NGEF: variants seen among roughly 807,000 people sequenced by gnomAD.
NGEF encodes ephexin-1.
NGEF carries 31 observed loss-of-function variants against 80.9 expected under a neutral mutation model. The ratio of observed to expected loss-of-function variants is 0.38; its 90% CI spans 0.29 to 0.52. NGEF has a LOEUF of 0.52. Among genes scored for constraint, NGEF ranks in the 20% least tolerant of loss-of-function variants. The pLI, the probability that NGEF is intolerant of heterozygous loss-of-function variation, is 0.84. For synonymous variants in NGEF, 371 were observed against 370.2 expected (o/e 1.00, Z -0.03); for missense variants, 709 against 926.2 (o/e 0.77, Z 3.04).
chr2:232,889,291 G>A (rs1214301980), intron 8 of NGEF, among the ~76,000 whole-genome samples: 1 of 152,204 alleles, frequency 6.6e-6, no homozygotes, highest in Non-Finnish European at 1.5e-5. Flanking sequence ...CAGATGGAGG[G>A]CAGTATGGGT....
intron 12 of NGEF, among the ~76,000 whole-genome samples, chr2:232,883,092 C>CACACACGT (rs946936841): frequency 1.3e-5 from 2 of 151,028 alleles, no homozygotes; most frequent in South Asian, 4.2e-4. Context: ...CGCACACACG[C>CACACACGT]ACACACGTAC....
At chr2:232,904,109 A>C (rs1692433230) in intron 5 of NGEF, among the ~76,000 whole-genome samples, 1 of 152,174 alleles carries the variant, frequency 6.6e-6, no homozygotes, top group African/African-American at 2.4e-5. Flanking sequence ...AGGTGACCAC[A>C]GGGCCCCTTG....
intron 5 of NGEF, among the ~76,000 whole-genome samples, chr2:232,908,079 C>T (rs959824605): frequency 1.1e-4 from 16 of 152,084 alleles, no homozygotes; most frequent in Non-Finnish European, 1.3e-4. Context: ...CACTGCACTC[C>T]AGCCTGGGAG....
intron 9 of NGEF, among the ~76,000 whole-genome samples, chr2:232,886,411 G>A (rs1048284289): frequency 1.8e-4 from 27 of 152,044 alleles, no homozygotes; most frequent in Non-Finnish European, 3.4e-4. Context: ...TGTGCTGTGC[G>A]TGTGCCGTGT....
At position 232,995,342 on chromosome 2, in the gene NGEF, A is replaced by G. The variant is rs200658804; in HGVS notation, c.-75+17726T>C. ...TATATGTGTACAGTATGTATACTAT[A>G]TACAGTATGTATACTGTATACTGTA... is the stretch of plus-strand genomic sequence containing the variant. On this transcript the variant is annotated intron_variant, in intron 1 of 14. Transcript: ENST00000264051. 4.8e-4 allele frequency among the ~76,000 whole-genome samples: 7 copies of G among 14,720 alleles called. 3 individuals are homozygous for G. In the African/African-American group the frequency reaches 6.1e-3, roughly 13 times the overall value. 9.7% of individuals were successfully genotyped at this position (14,720 alleles called of 152,430 possible). A position where few individuals can be genotyped will look rare whatever the true frequency, so the allele number is the denominator to read the frequency against.
chr2:232,962,725 T>G (rs1427877446), intron 3 of NGEF, among the ~76,000 whole-genome samples: 1 of 152,018 alleles, frequency 6.6e-6, no homozygotes, highest in Non-Finnish European at 1.5e-5. Context: ...TTAAAATATG[T>G]GTAAAACATT....
rs1327098356 is a variant in NGEF, at chr2:232,969,465, CCTTCCTT to C, written c.383+742_383+748del. On this transcript the variant is annotated intron_variant, in intron 3 of 14. Transcript: ENST00000264051. ...CCTCCCTCCCCTTCCTTCCTTCCTTCCTTCCTTCTTCCTTCCTTCCTTCCTCCCTCCC... is the reference window on the plus strand; with the variant it reads ...CCTCCCTCCCCTTCCTTCCTTCCTTCCTTCCTTCCTTCCTTCCTCCCTCCC... Among the ~76,000 whole-genome samples, 186 of 88,748 alleles carry C rather than the reference CCTTCCTT, an allele frequency of 2.1e-3. 5 individuals carry two copies. Among genetic ancestry groups the C allele is most frequent in the East Asian group, 0.019 (55 of 2,874 alleles). 58.2% of individuals were successfully genotyped at this position (88,748 alleles called of 152,430 possible).
chr2:232,933,965 G>A (rs752356548), intron 3 of NGEF, among the ~76,000 whole-genome samples: 1 of 152,044 alleles, frequency 6.6e-6, no homozygotes, highest in African/African-American at 2.4e-5. Flanking sequence ...TTTATGAGGC[G>A]GGGCACAGTG....
At chr2:232,961,938 G>A (rs1693962012) in intron 3 of NGEF, among the ~76,000 whole-genome samples, 1 of 152,146 alleles carries the variant, frequency 6.6e-6, no homozygotes, top group South Asian at 2.1e-4. Flanking sequence ...AGGGAGGAGG[G>A]GGCCTCATGG....
intron 8 of NGEF, among the ~76,000 whole-genome samples, chr2:232,890,287 G>A (rs980934025): frequency 5.3e-5 from 8 of 152,074 alleles, no homozygotes; most frequent in Non-Finnish European, 8.8e-5. Context: ...CTGCCTCTGG[G>A]CCTGGCTGGA....
chr2:232,884,500 CGTGT>C (rs1408571186), intron 10 of NGEF, among the ~76,000 whole-genome samples: 2 of 152,120 alleles, frequency 1.3e-5, no homozygotes, highest in Non-Finnish European at 2.9e-5. Flanking sequence ...GTGTGGATAC[CGTGT>C]GTGTGCCTGT....
intron 1 of NGEF, among the ~76,000 whole-genome samples, chr2:232,978,240 C>T (rs1156709308): frequency 2.6e-5 from 4 of 151,886 alleles, no homozygotes; most frequent in Non-Finnish European, 4.4e-5. Flanking sequence ...ACTTGAGGGG[C>T]TGGGCATGGT....
intron 3 of NGEF, among the ~76,000 whole-genome samples, chr2:232,966,706 T>C (rs1694067411): frequency 6.6e-6 from 1 of 152,212 alleles, no homozygotes; most frequent in South Asian, 2.1e-4. Context: ...AACATTTTTA[T>C]GTACCAATTG....
At chr2:232,901,153 C>T (rs371074274) in intron 5 of NGEF, among the ~76,000 whole-genome samples, 1 of 152,190 alleles carries the variant, frequency 6.6e-6, no homozygotes, top group Non-Finnish European at 1.5e-5. Context: ...CGGGCTTTTA[C>T]GCAGCCCGCG....
chr2:232,955,646 G>A (rs139939620), intron 3 of NGEF, among the ~76,000 whole-genome samples: 3,691 of 152,280 alleles, frequency 0.024, 68 homozygotes, highest in Non-Finnish European at 0.036. Flanking sequence ...AGCCTCCCGA[G>A]TAGCTGGGAT....
intron 5 of NGEF, among the ~76,000 whole-genome samples, chr2:232,901,130 A>G (rs918691603): frequency 1.3e-5 from 2 of 152,064 alleles, no homozygotes; most frequent in African/African-American, 4.8e-5. Flanking sequence ...CAGCTCTAAC[A>G]CCCAAAGAGC....
intron 8 of NGEF, chr2:232,890,896 T>C (rs1355104914): frequency 2.1e-6 from 1 of 471,276 alleles, no homozygotes; most frequent in Non-Finnish European, 4.4e-6. Flanking sequence ...GTCCCCGTCA[T>C]GTTCCCGAGA....
chr2:232,888,578 C>T lies in NGEF; in HGVS notation c.1273-471G>A, dbSNP rs143287708. Among the ~76,000 whole-genome samples the T allele has an allele frequency of 8.9e-3, 1,353 of 152,212 alleles. 35 individuals are homozygous for T. Among genetic ancestry groups the T allele is most frequent in the Admixed American group, 0.055 (837 of 15,300 alleles). On this transcript the variant is annotated intron_variant, in intron 8 of 14. Coordinates refer to ENST00000264051, the MANE Select transcript of NGEF (RefSeq NM_019850.3). ...ATACCTGCACACACACACGCATGCA[C>T]GCACACACATACACACAGCCTCCAT... is the stretch of plus-strand genomic sequence containing the variant.
intron 1 of NGEF, among the ~76,000 whole-genome samples, chr2:232,991,465 T>A (rs1023032656): frequency 5.3e-5 from 8 of 151,770 alleles, no homozygotes; most frequent in Admixed American, 2.0e-4. Context: ...GAATAAACCA[T>A]AAATTAAAAT....
Sources: allele counts gnomAD v4.1 joint callset (sites outside exome capture counted in the v4.1 genomes callset), GRCh38; gene constraint gnomAD v4.1.1; transcripts MANE v1.5; gene names NCBI Gene and HGNC (gene_info 2026-07-23, HGNC 2026-07-21).